The following STRA6 variants were observed in gnomAD, a reference collection of about 807,000 sequenced individuals.
The protein encoded by STRA6 is receptor for retinol uptake STRA6.
Under a neutral mutation model 83.6 loss-of-function variants are expected in STRA6, and 48 were observed. The ratio of observed to expected loss-of-function variants is 0.57; its 90% CI spans 0.46 to 0.73. The LOEUF (loss-of-function observed/expected upper bound fraction) is 0.73, where lower values mean the gene tolerates loss of function less well. STRA6 is among the 30% of genes least tolerant of loss of function. The pLI is 0.00. For synonymous variants in STRA6, 353 were observed against 362.3 expected, an observed-to-expected ratio of 0.97 and a Z score of 0.29; for missense variants, 760 against 838.8, an observed-to-expected ratio of 0.91 and a Z score of 1.16.
At chr15:74,211,030 C>A (rs1675346532), upstream of STRA6, among the ~76,000 whole-genome samples, 1 of 152,098 alleles carries the variant, frequency 6.6e-6, no homozygotes, top group African/African-American at 2.4e-5. Flanking sequence ...TCCTGCTGTA[C>A]CCCAGACTCC....
At chr15:74,203,011 A>T, upstream of STRA6, 1 of 985,886 alleles carries the variant, frequency 1.0e-6, no homozygotes, top group Non-Finnish European at 1.2e-6. Flanking sequence ...ACCTGCCTTC[A>T]GCGCCTGCCC....
rs772971400 is a variant in STRA6 at position 74,189,127 on chromosome 15, A to T, written c.1078T>A (p.Trp360Arg). Residue 360 changes from tryptophan (W) to arginine (R), a missense_variant, in exon 12 of 19, where the codon TGG becomes AGG. Physicochemically the swap from Trp to Arg is moderately radical, Grantham distance 101. Transcript: ENST00000395105. ...EVVELVKHHL[W>R]ALEVCYISAL... ...CTGGAGGCCTCACCTTCCAGAGCCCACAGATGGTGCTTCACCAGCTCCACC... is the reference window on the plus strand; with the variant it reads ...CTGGAGGCCTCACCTTCCAGAGCCCTCAGATGGTGCTTCACCAGCTCCACC... The T allele has an allele frequency of 6.2e-7, 1 of 1,614,132 alleles. No homozygotes were observed. The highest frequency in any genetic ancestry group is 8.5e-7 in the Non-Finnish European group (1 of 1,180,020).
At chr15:74,182,076 G>A in intron 16 of STRA6, 85 bp downstream of exon 16, 1 of 1,137,000 alleles carries the variant, frequency 8.8e-7, no homozygotes, top group African/African-American at 1.5e-5. Context: ...GGGATAGATG[G>A]CAGTGGAGGG....
At chr15:74,200,018 A>ACC in intron 2 of STRA6, among the ~76,000 whole-genome samples, 1 of 152,278 alleles carries the variant, frequency 6.6e-6, no homozygotes, top group Non-Finnish European at 1.5e-5. Context: ...AGAGTTTGAG[A>ACC]CCAGCCTGGC....
upstream of STRA6, chr15:74,202,861 G>GATGGAAATTT: frequency 9.7e-7 from 1 of 1,032,502 alleles, no homozygotes. Flanking sequence ...GCCCCTTTGG[G>GATGGAAATTT]CCTCGGTGAT....
At chr15:74,206,082 G>A (rs750222952), upstream of STRA6, among the ~76,000 whole-genome samples, 20 of 152,280 alleles carry the variant, frequency 1.3e-4, no homozygotes, top group Admixed American at 3.3e-4. Context: ...TCTCAAATCC[G>A]GCCTGGAGAT....
At position 74,202,462 on chromosome 15, in the gene STRA6, C is replaced by A. The variant is rs1215230591; in HGVS notation, c.-15-180G>T. On this transcript the variant is annotated intron_variant, in intron 1 of 18. Coordinates refer to ENST00000395105, the MANE Select transcript of STRA6 (RefSeq NM_022369.4). ...GCCCGTCTGGGACTGAGGGCCTGAG[C>A]AAGCTGGCACGGGAAGAGGACAGGG... 1.5e-5 allele frequency: 23 copies of A among 1,536,154 alleles called. No homozygotes were observed. In the East Asian group the frequency reaches 4.9e-4, roughly 33 times the overall value.
intron 1 of STRA6, 98 bp from the exon 2 acceptor site, chr15:74,202,380 G>C: frequency 6.5e-7 from 1 of 1,546,858 alleles, no homozygotes; most frequent in Non-Finnish European, 8.7e-7. Flanking sequence ...CCCAAACAAA[G>C]AAACATTTCT....
At position 74,180,856 on chromosome 15, in the gene STRA6, A is replaced by G. The variant is rs1044284723; in HGVS notation, c.1766T>C (p.Leu589Pro). ...PAMTAFCSLL[L>P]QAQSLLPRTM... is the part of the protein sequence containing the mutation. ...CCTGGGTAGGAGGCTCTGCGCTTGC[A>G]GGAGCAGGGAGCAGAAGGCTGTCAT... The change falls in exon 18 of 19, where the codon CTG (leucine) becomes CCG (proline). Residue 589 changes from leucine to proline, a missense_variant. Leu to Pro is a moderately conservative substitution (Grantham distance 98). Coordinates refer to ENST00000395105, the MANE Select transcript of STRA6 (RefSeq NM_022369.4). The G allele has an allele frequency of 6.2e-7, 1 of 1,614,082 alleles. No homozygotes were observed. Among genetic ancestry groups the G allele is most frequent in the Non-Finnish European group, 8.5e-7 (1 of 1,179,986 alleles).
At chr15:74,208,772 TG>T in intron 1 of STRA6, 1 of 988,862 alleles carries the variant, frequency 1.0e-6, no homozygotes, top group Non-Finnish European at 1.2e-6. Context: ...CAATCCCACC[TG>T]GCCTCCCAGA....
At chr15:74,192,703 C>T (rs1282860482) in intron 8 of STRA6, among the ~76,000 whole-genome samples, 13 of 152,234 alleles carry the variant, frequency 8.5e-5, no homozygotes, top group Non-Finnish European at 2.9e-5. Context: ...GCCTTTCCTT[C>T]CCCTGCCCTG....
chr15:74,187,294 T>C (rs1180680889), intron 12 of STRA6, among the ~76,000 whole-genome samples: 2 of 152,194 alleles, frequency 1.3e-5, no homozygotes, highest in East Asian at 3.8e-4. Flanking sequence ...CACACAATCT[T>C]CCTGCTCTTT....
Position 74,191,160 on chromosome 15 carries a change from C to A in STRA6, c.865+7G>T. 6.2e-7 allele frequency: 1 copy of A among 1,613,922 alleles called. No individual in the cohort carries two copies. Among genetic ancestry groups the A allele is most frequent in the Admixed American group, 1.7e-5 (1 of 59,980 alleles). On this transcript the variant is annotated splice_region_variant and intron_variant, in intron 10 of 18. Transcript: ENST00000395105. Reference sequence around the variant, plus strand: ...GTCACGCTCGGCCTCAGCTCCCAACCCCATACCTGGCTGTGGAGTGTAGAT... The same window carrying A: ...GTCACGCTCGGCCTCAGCTCCCAACACCATACCTGGCTGTGGAGTGTAGAT...
chr15:74,180,826 A>G lies in STRA6; in HGVS notation c.1796T>C (p.Met599Thr), dbSNP rs919674147. ...LQAQSLLPRT[M>T]AAPQDSLRPG... ...TCTGAGGCTGTCCTGGGGGGCTGCCATGGTCCTGGGTAGGAGGCTCTGCGC... is the reference window on the plus strand; with the variant it reads ...TCTGAGGCTGTCCTGGGGGGCTGCCGTGGTCCTGGGTAGGAGGCTCTGCGC... The change falls in exon 18 of 19, where the codon ATG becomes ACG. Residue 599 changes from methionine to threonine, a missense_variant. Coordinates refer to ENST00000395105, the MANE Select transcript of STRA6 (RefSeq NM_022369.4). 6 of 1,613,604 alleles carry G rather than the reference A, an allele frequency of 3.7e-6. No individual in the cohort carries two copies. The African/African-American group carries it at 8.0e-5, about 22-fold the overall frequency.
At chr15:74,194,823 T>C (rs1222841594) in intron 7 of STRA6, 1 of 1,325,542 alleles carries the variant, frequency 7.5e-7, no homozygotes, top group Non-Finnish European at 9.6e-7. Context: ...ACTCTTTGAG[T>C]TCTAGACTGG....
chr15:74,207,652 G>T, upstream of STRA6: 1 of 1,505,662 alleles, frequency 6.6e-7, no homozygotes, highest in South Asian at 1.2e-5. Context: ...AAGAGAACAC[G>T]CAAGAGAGGC....
intron 1 of STRA6, 75 bp from the exon 2 acceptor site, chr15:74,202,357 G>A: frequency 1.3e-6 from 2 of 1,555,228 alleles, no homozygotes. Flanking sequence ...AAAAAAGAAA[G>A]AAAGACGGAA....
chr15:74,209,292 C>A (rs1249807409), upstream of STRA6: 13 of 1,389,790 alleles, frequency 9.4e-6, no homozygotes, highest in East Asian at 3.2e-4. Context: ...GAGAAGCCTG[C>A]ACAGGGCTTT....
Position 74,197,821 on chromosome 15 carries a change from G to T in STRA6, c.114-3C>A, listed in dbSNP as rs773982875. On this transcript the variant is annotated splice_polypyrimidine_tract_variant and splice_region_variant and intron_variant, in intron 2 of 18. Coordinates refer to ENST00000395105, the MANE Select transcript of STRA6 (RefSeq NM_022369.4). ...TGGTGTGGCAGGAGGGCACTTCCCT[G>T]CAGAGCAAATGAAGGCTGGCTCAGG... 1 of 1,612,702 alleles carries T rather than the reference G, an allele frequency of 6.2e-7. No homozygotes were observed. The highest frequency in any genetic ancestry group is 8.5e-7 in the Non-Finnish European group (1 of 1,179,966).
Sources: gnomAD v4.1 joint callset for allele counts (sites outside exome capture counted in the v4.1 genomes callset) on GRCh38, gnomAD v4.1.1 for gene constraint, MANE v1.5 for transcripts, NCBI Gene and HGNC (gene_info 2026-07-23, HGNC 2026-07-21) for gene names.